SGSH: variants seen among roughly 807,000 people sequenced by gnomAD.
The protein encoded by SGSH is heparan sulfate sulfatase.
SGSH carries 48 observed loss-of-function variants against 51.0 expected under a neutral mutation model. That is an observed-to-expected ratio of 0.94 (90% confidence interval 0.75 to 1.20). SGSH has a LOEUF of 1.20. Ranked by LOEUF, SGSH falls within the 50% of genes most tolerant of loss-of-function variation. The pLI, the probability that SGSH is intolerant of heterozygous loss-of-function variation, is 0.00. For missense variants in SGSH, 662 were observed against 717.8 expected, an observed-to-expected ratio of 0.92 and a Z score of 0.89; for synonymous variants, 321 against 313.4, an observed-to-expected ratio of 1.02 and a Z score of -0.26.
At chr17:80,202,260 A>T (rs2041023349), downstream of SGSH, 1 of 1,613,972 alleles carries the variant, frequency 6.2e-7, no homozygotes, top group South Asian at 1.1e-5. Context: ...CAACCTGGCC[A>T]TGGAGGGCAG....
At chr17:80,201,123 G>A in the SGSH span, 6 of 153,414 alleles carry the variant, frequency 3.9e-5, no homozygotes, top group Middle Eastern at 3.4e-3. The surrounding 1 kb of genome is among the most constrained non-coding windows in gnomAD (Gnocchi z 5.0). Context: ...TGTTCAGGGA[G>A]ATAGTCCCGA....
chr17:80,214,582 C>G (rs755588300), intron 4 of SGSH, 33 bp downstream of exon 4: 1 of 1,604,516 alleles, frequency 6.2e-7, no homozygotes, highest in South Asian at 1.1e-5. Flanking sequence ...GTACCGGCCG[C>G]CAGGGGGAAG....
downstream of SGSH, chr17:80,203,668 C>T (rs2041113379): frequency 5.3e-6 from 3 of 569,990 alleles, no homozygotes; most frequent in African/African-American, 1.9e-5. The surrounding 1 kb of genome is among the most constrained non-coding windows in gnomAD (Gnocchi z 4.6). Context: ...CAGGATGGAG[C>T]GCTCCAGCCT....
chr17:80,204,549 G>T (rs148464782), downstream of SGSH: 17 of 474,618 alleles, frequency 3.6e-5, no homozygotes, highest in East Asian at 5.6e-4. Flanking sequence ...GCCTGAACCC[G>T]GGAGGCAGAG....
At chr17:80,202,210 C>G, downstream of SGSH, 3 of 1,613,944 alleles carry the variant, frequency 1.9e-6, no homozygotes, top group Non-Finnish European at 2.5e-6. Context: ...GACCTGGAGG[C>G]CAAAGTGGCG....
chr17:80,210,881 G>A lies in SGSH; in HGVS notation c.1080C>T (p.Thr360=), dbSNP rs766102096. ...PALEAEPLWA[T]VFGSQSHHEV... is the part of the protein sequence containing the mutation. The stretch of plus-strand genomic sequence containing the variant: ...CGTGGTGGCTCTGGCTGCCAAAGAC[G>A]GTGGCCCAGAGGGGCTCGGCCTCCA... Residue 360 remains threonine, a synonymous_variant, in exon 8 of 8, where the codon ACC becomes ACT. Transcript: ENST00000326317. 3.7e-6 allele frequency: 6 copies of A among 1,612,642 alleles called. No individual in the cohort carries two copies. Among genetic ancestry groups the A allele is most frequent in the East Asian group, 4.5e-5 (2 of 44,886 alleles).
downstream of SGSH, chr17:80,206,887 G>C (rs2041348777): frequency 3.4e-6 from 3 of 883,958 alleles, no homozygotes; most frequent in South Asian, 1.7e-5. Flanking sequence ...TGTCCGGAGG[G>C]CCCTTCTGAC....
rs2041631969 is a variant in SGSH at position 80,210,973 on chromosome 17, A to G, written c.988T>C (p.Tyr330His). Reference protein sequence around the residue: ...PTILDWFSIPYPSYAIFGSKT... With the variant: ...PTILDWFSIPHPSYAIFGSKT... ...GAGCCAAAGATGGCGTAGCTGGGGT[A>G]CGGGATCGAGAACCAATCCAAGATG... Residue 330 changes from tyrosine (Y) to histidine (H), a missense_variant, in exon 8 of 8, where the codon TAC (tyrosine) becomes CAC (histidine). Tyr to His is a moderately conservative substitution (Grantham distance 83). Transcript: ENST00000326317. 1 of 1,600,052 alleles carries G rather than the reference A, an allele frequency of 6.2e-7. No individual in the cohort carries two copies. Among genetic ancestry groups the G allele is most frequent in the East Asian group, 2.2e-5 (1 of 44,864 alleles).
At chr17:80,215,672 A>T (rs1194017491) in intron 2 of SGSH, among the ~76,000 whole-genome samples, 2 of 152,006 alleles carry the variant, frequency 1.3e-5, no homozygotes, top group African/African-American at 4.8e-5. Context: ...TACAAAAATT[A>T]GCTGGGCGTG....
chr17:80,208,385 T>C (rs1384620277), downstream of SGSH: 28 of 1,498,512 alleles, frequency 1.9e-5, no homozygotes, highest in Non-Finnish European at 2.4e-5. Flanking sequence ...GGCTTCTGTG[T>C]GCCTGTTAAT....
downstream of SGSH, chr17:80,202,568 C>T: frequency 6.9e-7 from 1 of 1,442,276 alleles, no homozygotes; most frequent in Non-Finnish European, 9.1e-7. Flanking sequence ...AAGATCACTG[C>T]TGAAGATGTT....
intron 7 of SGSH, 129 bp from the exon 8 acceptor site, chr17:80,211,140 T>C: frequency 6.6e-7 from 1 of 1,525,598 alleles, no homozygotes; most frequent in South Asian, 1.2e-5. Context: ...AGGTGCCTTG[T>C]CGAGCCGACA....
At chr17:80,204,933 G>A (rs2041199496), downstream of SGSH, 1 of 962,976 alleles carries the variant, frequency 1.0e-6, no homozygotes, top group African/African-American at 1.6e-5. Context: ...AGGTGCTGGG[G>A]CTGCTGCAGT....
chr17:80,215,171 C>T lies in SGSH; in HGVS notation c.250-33G>A, dbSNP rs1247246578. On this transcript the variant is annotated intron_variant, in intron 2 of 7. Coordinates refer to ENST00000326317, the MANE Select transcript of SGSH (RefSeq NM_000199.5). ...CAAAGGCGCATGAGGTCCGGGGCCCCCGGACAGCCAGAGCCCGCCTGCCGC... is the reference window on the plus strand; with the variant it reads ...CAAAGGCGCATGAGGTCCGGGGCCCTCGGACAGCCAGAGCCCGCCTGCCGC... 2.6e-6 allele frequency: 4 copies of T among 1,540,344 alleles called. No individual in the cohort carries two copies. The Admixed American group carries it at 6.8e-5, about 26-fold the overall frequency.
At chr17:80,215,863 C>T (rs781319431) in intron 2 of SGSH, among the ~76,000 whole-genome samples, 2 of 152,170 alleles carry the variant, frequency 1.3e-5, no homozygotes, top group African/African-American at 2.4e-5. Flanking sequence ...TTATTCACAA[C>T]AGCCAAAGGG....
chr17:80,214,961 GCCGAACCT>G, intron 3 of SGSH, 64 bp downstream of exon 3: 1 of 1,414,688 alleles, frequency 7.1e-7, no homozygotes, highest in Non-Finnish European at 9.8e-7. Context: ...GGTACAAGGT[GCCGAACCT>G]CCTGGGCTCT....
downstream of SGSH, among the ~76,000 whole-genome samples, chr17:80,206,527 A>T (rs1387408844): frequency 6.6e-6 from 1 of 152,226 alleles, no homozygotes; most frequent in Non-Finnish European, 1.5e-5. Context: ...GCACTTTGGG[A>T]GGCCGAGGCG....
In SGSH at chr17:80,215,096, A is replaced by G. The variant is rs777669364; in HGVS notation, c.292T>C (p.Phe98Leu). The G allele has an allele frequency of 3.1e-6, 5 of 1,612,358 alleles. No homozygotes were observed. Among genetic ancestry groups the G allele is most frequent in the African/African-American group, 1.3e-5 (1 of 74,934 alleles). Residue 98 changes from phenylalanine (F) to leucine (L), a missense_variant, in exon 3 of 8, where the codon TTC becomes CTC. By Grantham distance (22) the Phe-to-Leu change is conservative (BLOSUM62 0). Coordinates refer to ENST00000326317, the MANE Select transcript of SGSH (RefSeq NM_000199.5). ...CTCCGCACCTTGTCGAAGGAGTTGA[A>G]GTGGTGCACGTCCTGGTGCAGCCCG... is the stretch of plus-strand genomic sequence containing the variant. ...MYGLHQDVHHFNSFDKVRSLP... is the reference protein window; with the variant it reads ...MYGLHQDVHHLNSFDKVRSLP...
At chr17:80,218,370 G>A (rs771451491) in intron 1 of SGSH, among the ~76,000 whole-genome samples, 2 of 152,216 alleles carry the variant, frequency 1.3e-5, no homozygotes, top group Admixed American at 6.5e-5. Flanking sequence ...CACACACTGG[G>A]CAGCAGGAAA....
Sources: gnomAD v4.1 joint callset for allele counts (sites outside exome capture counted in the v4.1 genomes callset) on GRCh38, gnomAD v4.1.1 for gene constraint, Gnocchi (gnomAD v3.1) non-coding constraint, MANE v1.5 for transcripts, NCBI Gene and HGNC (gene_info 2026-07-23, HGNC 2026-07-21) for gene names.